PXDNL: variants seen among roughly 807,000 people sequenced by gnomAD.
The protein encoded by PXDNL is probable oxidoreductase PXDNL.
A neutral mutation model predicts 150.8 loss-of-function variants in PXDNL; 145 were observed. That is an observed-to-expected ratio of 0.96 (90% CI 0.84 to 1.10). PXDNL has a LOEUF of 1.10. Ranked by LOEUF, PXDNL falls within the 50% of genes least tolerant of loss-of-function variation. The pLI, the probability that PXDNL is intolerant of heterozygous loss-of-function variation, is 0.00. For synonymous variants in PXDNL, 757 were observed against 725.7 expected, an observed-to-expected ratio of 1.04 and a Z score of -0.69; for missense variants, 2,087 against 1,873.9, an observed-to-expected ratio of 1.11 and a Z score of -2.10.
chr8:51,593,806 G>A (rs540343982), intron 2 of PXDNL, among the ~76,000 whole-genome samples: 2 of 152,248 alleles, frequency 1.3e-5, no homozygotes, highest in African/African-American at 4.8e-5. Context: ...GCCATTGGGA[G>A]GCAGAACAAC....
intron 12 of PXDNL, among the ~76,000 whole-genome samples, chr8:51,439,272 T>C (rs1168855525): frequency 2.6e-5 from 4 of 151,904 alleles, no homozygotes; most frequent in Non-Finnish European, 4.4e-5. Flanking sequence ...AGGACATGAA[T>C]AGACAATTCT....
At chr8:51,637,298 C>G (rs1209902274) in intron 2 of PXDNL, among the ~76,000 whole-genome samples, 1 of 152,124 alleles carries the variant, frequency 6.6e-6, no homozygotes, top group East Asian at 1.9e-4. Context: ...GAGTGCCTCT[C>G]CCCCTACAAA....
chr8:51,594,007 G>A (rs16916580), intron 2 of PXDNL, among the ~76,000 whole-genome samples: 7,769 of 152,276 alleles, frequency 0.051, 465 homozygotes, highest in African/African-American at 0.15. Context: ...TGTCCTGGGA[G>A]AATTTGCTGT....
At chr8:51,662,147 A>G (rs1317848986) in intron 1 of PXDNL, among the ~76,000 whole-genome samples, 4 of 152,236 alleles carry the variant, frequency 2.6e-5, no homozygotes, top group Non-Finnish European at 4.4e-5. Flanking sequence ...CAGAAAATCA[A>G]TTATAATTGG....
At chr8:51,493,350 A>C (rs960451374) in intron 5 of PXDNL, among the ~76,000 whole-genome samples, 4 of 152,168 alleles carry the variant, frequency 2.6e-5, no homozygotes, top group African/African-American at 9.7e-5. Context: ...GAGCACAAAA[A>C]CTGGAAACTC....
intron 1 of PXDNL, among the ~76,000 whole-genome samples, chr8:51,781,588 A>T (rs2037415617): frequency 6.6e-6 from 1 of 152,092 alleles, no homozygotes; most frequent in South Asian, 2.1e-4. Flanking sequence ...TCTACTCATA[A>T]CCTTCCTTTT....
intron 1 of PXDNL, among the ~76,000 whole-genome samples, chr8:51,733,722 C>T (rs1427716152): frequency 6.6e-6 from 1 of 151,374 alleles, no homozygotes; most frequent in Non-Finnish European, 1.5e-5. Flanking sequence ...GCAGGAGAAT[C>T]ACTTGAACCC....
intron 3 of PXDNL, among the ~76,000 whole-genome samples, chr8:51,573,144 C>T (rs1192160276): frequency 1.3e-5 from 2 of 151,966 alleles, no homozygotes; most frequent in Non-Finnish European, 2.9e-5. Context: ...TAGCCAAACA[C>T]TACAGAAGAA....
intron 1 of PXDNL, among the ~76,000 whole-genome samples, chr8:51,741,056 G>A (rs911897750): frequency 6.6e-6 from 1 of 152,200 alleles, no homozygotes; most frequent in African/African-American, 2.4e-5. Context: ...TCTTTGAAAC[G>A]CTGGTAGAAT....
chr8:51,441,524 G>C (rs1809548144), intron 12 of PXDNL, among the ~76,000 whole-genome samples: 1 of 152,290 alleles, frequency 6.6e-6, no homozygotes, highest in East Asian at 1.9e-4. Context: ...CTGAGAGACA[G>C]AGCAGCATGG....
chr8:51,800,728 G>A (rs1563325074), intron 1 of PXDNL, among the ~76,000 whole-genome samples: 1 of 152,142 alleles, frequency 6.6e-6, no homozygotes, highest in Non-Finnish European at 1.5e-5. Flanking sequence ...AAATTGTGAA[G>A]ATTTCATGGA....
intron 21 of PXDNL, among the ~76,000 whole-genome samples, chr8:51,325,832 G>A (rs968052399): frequency 7.2e-5 from 11 of 152,154 alleles, no homozygotes. Flanking sequence ...GAGAGTGAAA[G>A]CCACCTCCTC....
At chr8:51,801,648 T>C (rs184548068) in intron 1 of PXDNL, among the ~76,000 whole-genome samples, 1 of 152,254 alleles carries the variant, frequency 6.6e-6, no homozygotes, top group East Asian at 1.9e-4. Flanking sequence ...TATGTTGAAA[T>C]ATTGGGGGCT....
intron 12 of PXDNL, among the ~76,000 whole-genome samples, chr8:51,442,215 T>A (rs76807502): frequency 0.018 from 2,801 of 151,518 alleles, 67 homozygotes; most frequent in South Asian, 0.1. Context: ...ATGGAACAAA[T>A]TTGTGGGTTA....
intron 3 of PXDNL, among the ~76,000 whole-genome samples, chr8:51,585,263 G>A (rs1813298362): frequency 6.6e-6 from 1 of 152,248 alleles, no homozygotes. Flanking sequence ...TGTATGGATT[G>A]GGAAACATAA....
At chr8:51,565,105 T>C (rs1812789991) in intron 3 of PXDNL, among the ~76,000 whole-genome samples, 1 of 151,712 alleles carries the variant, frequency 6.6e-6, no homozygotes, top group Admixed American at 6.6e-5. Context: ...ATGTGAAATC[T>C]GAAATGCTCC....
Position 51,408,051 on chromosome 8 carries a change from G to A in PXDNL, c.3557+16C>T, listed in dbSNP as rs754724558. The A allele has an allele frequency of 7.0e-6, 11 of 1,580,522 alleles. No individual in the cohort carries two copies. Among genetic ancestry groups the A allele is most frequent in the Non-Finnish European group, 1.7e-6 (2 of 1,164,856 alleles). On this transcript the variant is annotated intron_variant, in intron 17 of 22. Coordinates refer to ENST00000356297, the MANE Select transcript of PXDNL (RefSeq NM_144651.5). ...CCTAAGAAATGTTTAAATCCAGGCA[G>A]CATTTGCATACTTACTTTCTCAGTT... is the stretch of plus-strand genomic sequence containing the variant.
At chr8:51,320,733 G>C (rs1805289797) in intron 22 of PXDNL, 51 bp downstream of exon 22, 1 of 1,260,600 alleles carries the variant, frequency 7.9e-7, no homozygotes, top group Admixed American at 1.9e-5. Context: ...GCTTCAACTG[G>C]CTGGCTAGAA....
At chr8:51,403,932 G>A (rs571778367) in intron 17 of PXDNL, among the ~76,000 whole-genome samples, 14 of 152,246 alleles carry the variant, frequency 9.2e-5, no homozygotes, top group South Asian at 8.3e-4. Context: ...TCTGATGTTC[G>A]GACGTGTTCA....
Sources: gnomAD v4.1 joint callset for allele counts (sites outside exome capture counted in the v4.1 genomes callset) on GRCh38, gnomAD v4.1.1 for gene constraint, MANE v1.5 for transcripts, NCBI Gene and HGNC (gene_info 2026-07-23, HGNC 2026-07-21) for gene names.